GPHB5: variants seen among roughly 807,000 people sequenced by gnomAD.
GPHB5 encodes glycoprotein hormone subunit beta 5, also known as glycoprotein hormone beta-5.
Under a neutral mutation model 10.1 loss-of-function variants are expected in GPHB5, and 7 were observed. That is an observed-to-expected ratio of 0.69 (90% CI 0.39 to 1.30). The LOEUF is 1.30. Ranked by LOEUF, GPHB5 falls within the 50% of genes most tolerant of loss-of-function variation. The pLI is 0.01. For synonymous variants in GPHB5, 68 were observed against 70.1 expected, an observed-to-expected ratio of 0.97 and a Z score of 0.15; for missense variants, 161 against 169.8, an observed-to-expected ratio of 0.95 and a Z score of 0.29.
In GPHB5 at chr14:63,312,879, C is replaced by G. The variant is rs1446145558; in HGVS notation, c.*49G>C. On this transcript the variant is annotated 3_prime_UTR_variant, in exon 3 of 3. Coordinates refer to ENST00000621500, the MANE Select transcript of GPHB5 (RefSeq NM_145171.4). ...ACAGTCTTGCATCCAGGAAGTATAA[C>G]TGCATGTGCTGCTCACACAGGTGGG... 1.3e-6 allele frequency: 2 copies of G among 1,500,504 alleles called. No homozygotes were observed. Among genetic ancestry groups the G allele is most frequent in the Non-Finnish European group, 1.8e-6 (2 of 1,110,954 alleles). The allele number at this position is 1,500,504 out of a possible 1,614,324, so 92.9% of individuals were successfully genotyped here.
chr14:63,318,699 T>C (rs1277332045), intron 1 of GPHB5, 125 bp downstream of exon 1: 1 of 152,204 alleles, frequency 6.6e-6, no homozygotes, highest in African/African-American at 2.4e-5. Flanking sequence ...GGATATGGCA[T>C]TCATGGACCT....
Position 63,317,715 on chromosome 14 carries a change from G to T in GPHB5, c.135C>A (p.Ala45=). 6.2e-7 allele frequency: 1 copy of T among 1,613,978 alleles called. No individual in the cohort carries two copies. The stretch of plus-strand genomic sequence containing the variant: ...GAAGGCCCCTGCAGCCTGGCTTCTT[G>T]GCCAGGAAAGTAAACTCCCTCACGG... ...GCAVREFTFL[A]KKPGCRGLRI... The change falls in exon 2 of 3, where the codon GCC becomes GCA. Residue 45 remains alanine (A), a synonymous_variant. Transcript: ENST00000621500.
chr14:63,317,662 C>A lies in GPHB5; in HGVS notation c.188G>T (p.Arg63Leu), dbSNP rs374446014. ...GCAACTCACCTCCCAGGTCTCACAG[C>A]GACCCCAGCAGGCATCCGTGGTGAT... ...LRITTDACWG[R>L]CETWEKPILE... The change falls in exon 2 of 3, where the codon CGC becomes CTC. Residue 63 changes from arginine to leucine, a missense_variant. By Grantham distance (102) the Arg-to-Leu change is moderately radical. Transcript: ENST00000621500. The A allele has an allele frequency of 5.0e-6, 8 of 1,613,976 alleles. No homozygotes were observed. The Admixed American group carries it at 8.3e-5, about 17-fold the overall frequency.
chr14:63,315,139 A>C (rs1882750489), intron 2 of GPHB5, among the ~76,000 whole-genome samples: 1 of 150,244 alleles, frequency 6.7e-6, no homozygotes, highest in African/African-American at 2.4e-5. Context: ...CTGGTCTCGA[A>C]CTCCTGACCT....
intron 1 of GPHB5, 100 bp from the exon 2 acceptor site, chr14:63,317,950 C>T (rs2139685047): frequency 1.9e-6 from 2 of 1,066,268 alleles, no homozygotes; most frequent in Non-Finnish European, 2.7e-6. Flanking sequence ...GACCTTGCTC[C>T]TAGCATTTCA....
intron 2 of GPHB5, among the ~76,000 whole-genome samples, chr14:63,317,363 G>A (rs1176100678): frequency 3.3e-5 from 5 of 152,116 alleles, no homozygotes; most frequent in Non-Finnish European, 5.9e-5. Context: ...TGTAAAACGG[G>A]TAGAACAGTA....
At chr14:63,316,177 A>C (rs1305608631) in intron 2 of GPHB5, among the ~76,000 whole-genome samples, 1 of 152,222 alleles carries the variant, frequency 6.6e-6, no homozygotes, top group East Asian at 1.9e-4. Context: ...GCAAAAGAAA[A>C]CTACTTTGAT....
rs570007663 is a variant in GPHB5, at chr14:63,317,956, T to G, written c.-1-106A>C. On this transcript the variant is annotated intron_variant, in intron 1 of 2. Transcript: ENST00000621500. ...TATCAAAGGGACCTTGCTCCTAGCA[T>G]TTCAGGGAAAATGAGCCCAGAAATT... is the stretch of plus-strand genomic sequence containing the variant. 8.9e-6 allele frequency: 9 copies of G among 1,008,638 alleles called. No individual in the cohort carries two copies. The South Asian group carries it at 1.3e-4, about 15-fold the overall frequency. The allele number at this position is 1,008,638 out of a possible 1,614,324, so 62.5% of individuals were successfully genotyped here.
intron 2 of GPHB5, 54 bp from the exon 3 acceptor site, chr14:63,313,170 A>T (rs184467105): frequency 5.8e-6 from 8 of 1,372,856 alleles, no homozygotes; most frequent in Non-Finnish European, 6.9e-6. Context: ...ATCTTGTTTC[A>T]GTTTTTTAGT....
intron 2 of GPHB5, 116 bp from the exon 3 acceptor site, chr14:63,313,232 C>T (rs1414028294): frequency 2.1e-6 from 2 of 973,754 alleles, no homozygotes. Flanking sequence ...TTACTTGTTG[C>T]TCTGTCGTCT....
intron 2 of GPHB5, among the ~76,000 whole-genome samples, chr14:63,314,395 G>C (rs1474069418): frequency 6.6e-6 from 1 of 151,244 alleles, no homozygotes; most frequent in South Asian, 2.1e-4. Context: ...ACAATGTCTA[G>C]AACAAAGTAA....
chr14:63,316,089 G>T (rs372110572), intron 2 of GPHB5, among the ~76,000 whole-genome samples: 11 of 152,332 alleles, frequency 7.2e-5, no homozygotes, highest in African/African-American at 2.6e-4. Flanking sequence ...AGGTGAATTT[G>T]CTGCCAATTG....
At position 63,312,980 on chromosome 14, in the gene GPHB5, C is replaced by T. The variant is rs775335411; in HGVS notation, c.341G>A (p.Arg114His). 1.9e-5 allele frequency: 29 copies of T among 1,561,334 alleles called. No individual in the cohort carries two copies. In the African/African-American group the frequency reaches 2.2e-4, roughly 12 times the overall value. The change falls in exon 3 of 3, where the codon CGC (arginine) becomes CAC (histidine). Residue 114 changes from arginine to histidine, a missense_variant. Arg to His is a conservative substitution (Grantham distance 29). Transcript: ENST00000621500. ...AGTGGAGCAGGCTCCGCAGTCACAG[C>T]GGATGGCCACGGGATAGGTGTAGAA... ...DPFYTYPVAI[R>H]CDCGACSTAT... is the part of the protein sequence containing the mutation.
chr14:63,315,706 G>A (rs1046914569), intron 2 of GPHB5, among the ~76,000 whole-genome samples: 4 of 152,270 alleles, frequency 2.6e-5, no homozygotes, highest in South Asian at 2.1e-4. Context: ...GCTTTATAGC[G>A]CAGAAACTTT....
intron 2 of GPHB5, among the ~76,000 whole-genome samples, chr14:63,316,509 G>A (rs1335738050): frequency 3.9e-5 from 6 of 152,142 alleles, no homozygotes; most frequent in Admixed American, 1.3e-4. Context: ...TAAATCACGC[G>A]TGTGGTGGGG....
intron 2 of GPHB5, among the ~76,000 whole-genome samples, chr14:63,314,891 T>TTTTTTTC (rs1882743870): frequency 2.5e-5 from 2 of 80,058 alleles, no homozygotes; most frequent in Non-Finnish European, 5.1e-5. Flanking sequence ...CCTTACCTTT[T>TTTTTTTC]TTTTTTCTTT....
chr14:63,312,962 C>G lies in GPHB5; in HGVS notation c.359G>C (p.Cys120Ser). Residue 120 changes from cysteine (C) to serine (S), a missense_variant, in exon 3 of 3, where the codon TGC becomes TCC. Coordinates refer to ENST00000621500, the MANE Select transcript of GPHB5 (RefSeq NM_145171.4). ...CTCACACTCCGTGGTGGCAGTGGAG[C>G]AGGCTCCGCAGTCACAGCGGATGGC... Reference protein sequence around the residue: ...PVAIRCDCGACSTATTECETI With the variant: ...PVAIRCDCGASSTATTECETI The G allele has an allele frequency of 1.9e-6, 3 of 1,554,852 alleles. No individual in the cohort carries two copies. Among genetic ancestry groups the G allele is most frequent in the Non-Finnish European group, 2.6e-6 (3 of 1,148,810 alleles).
chr14:63,314,639 C>T (rs1323157444), intron 2 of GPHB5, among the ~76,000 whole-genome samples: 3 of 152,078 alleles, frequency 2.0e-5, no homozygotes. Context: ...GTCTCGATTT[C>T]CTGACCTCGT....
At chr14:63,316,445 A>G (rs921104275) in intron 2 of GPHB5, among the ~76,000 whole-genome samples, 8 of 152,210 alleles carry the variant, frequency 5.3e-5, no homozygotes, top group Non-Finnish European at 8.8e-5. Flanking sequence ...CATACACGAC[A>G]TCTTGACAAA....
Sources: gnomAD v4.1 joint callset for allele counts (sites outside exome capture counted in the v4.1 genomes callset) on GRCh38, gnomAD v4.1.1 for gene constraint, MANE v1.5 for transcripts, NCBI Gene and HGNC (gene_info 2026-07-23, HGNC 2026-07-21) for gene names.